RBP4: variants seen among roughly 807,000 people sequenced by gnomAD.
The protein encoded by RBP4 is retinol-binding protein 4.
In RBP4, 9 loss-of-function variants were observed where a neutral mutation model predicts 26.2. The ratio of observed to expected loss-of-function variants is 0.34; its 90% CI spans 0.21 to 0.60. RBP4 has a LOEUF of 0.60. Ranked by LOEUF, RBP4 falls within the 20% of genes least tolerant of loss-of-function variation. RBP4 has a pLI of 0.80. For missense variants in RBP4, 244 were observed against 271.3 expected (o/e 0.90, Z 0.71); for synonymous variants, 114 against 111.0 (o/e 1.03, Z -0.17).
In RBP4 at chr10:93,592,164, A is replaced by AG. The variant is rs764772453; in HGVS notation, c.569-53_569-52insC. 60 of 1,488,974 alleles carry AG rather than the reference A, an allele frequency of 4.0e-5. 1 individual carries two copies. The Middle Eastern group carries it at 5.1e-4, about 13-fold the overall frequency. The allele number at this position is 1,488,974 out of a possible 1,614,324, so 92.2% of individuals were successfully genotyped here. A position where few individuals can be genotyped will look rare whatever the true frequency, so the allele number is the denominator to read the frequency against. On this transcript the variant is annotated intron_variant, in intron 5 of 5. Transcript: ENST00000371464. Reference sequence around the variant, plus strand: ...ACGACAGAAAGTGGACCCAGTTTTTATGTAGATAATGAACATCATGATGGC... The same window carrying AG: ...ACGACAGAAAGTGGACCCAGTTTTTAGTGTAGATAATGAACATCATGATGGC...
At chr10:93,598,800 A>G (rs760069265) in intron 4 of RBP4, among the ~76,000 whole-genome samples, 1 of 152,248 alleles carries the variant, frequency 6.6e-6, no homozygotes, top group Non-Finnish European at 1.5e-5. Context: ...TCCTCTTTCT[A>G]AAAATTAATA....
chr10:93,596,720 A>G (rs976276936), intron 4 of RBP4, among the ~76,000 whole-genome samples: 3 of 152,204 alleles, frequency 2.0e-5, no homozygotes, highest in African/African-American at 7.2e-5. Flanking sequence ...TCCCAAAACC[A>G]AAGAAAATGC....
chr10:93,594,069 C>G, intron 4 of RBP4, 34 bp from the exon 5 acceptor site: 1 of 1,598,958 alleles, frequency 6.3e-7, no homozygotes, highest in Non-Finnish European at 8.6e-7. Context: ...CCGATCAATG[C>G]CTTTCCCTCA....
rs2058269597 is a variant in RBP4 at position 93,592,030 on chromosome 10, A to C, written c.*45T>G. The C allele has an allele frequency of 3.3e-6, 5 of 1,508,656 alleles. No individual in the cohort carries two copies. The East Asian group carries it at 1.1e-4, about 34-fold the overall frequency. 93.5% of individuals were successfully genotyped at this position (1,508,656 alleles called of 1,614,324 possible). Reference sequence around the variant, plus strand: ...CTAAGATAAATAGAGCTGAAGACTGAGAGCTAATCAGAAGTTCTCAGATGA... The same window carrying C: ...CTAAGATAAATAGAGCTGAAGACTGCGAGCTAATCAGAAGTTCTCAGATGA... On this transcript the variant is annotated 3_prime_UTR_variant, in exon 6 of 6. Transcript: ENST00000371464.
chr10:93,592,830 T>C (rs946004687), intron 5 of RBP4, among the ~76,000 whole-genome samples: 1 of 152,118 alleles, frequency 6.6e-6, no homozygotes, highest in Non-Finnish European at 1.5e-5. Context: ...TTATTATTAT[T>C]TTTTTGAGGC....
upstream of RBP4, chr10:93,601,248 G>A (rs2058337617): frequency 8.2e-7 from 1 of 1,223,524 alleles, no homozygotes; most frequent in African/African-American, 1.6e-5. Context: ...GCGCGCCGCG[G>A]CCGCCCCGCT....
At chr10:93,594,531 C>G (rs1248419857) in intron 4 of RBP4, among the ~76,000 whole-genome samples, 2 of 152,242 alleles carry the variant, frequency 1.3e-5, no homozygotes, top group African/African-American at 4.8e-5. Flanking sequence ...GCCCCCCGCT[C>G]TCTCAGTCCT....
chr10:93,592,697 C>T (rs1263475999), intron 5 of RBP4, among the ~76,000 whole-genome samples: 2 of 152,034 alleles, frequency 1.3e-5, no homozygotes, highest in African/African-American at 2.4e-5. Flanking sequence ...CCTTGCTGGC[C>T]CTACATTTAA....
chr10:93,596,113 C>T (rs1380132891), intron 4 of RBP4, among the ~76,000 whole-genome samples: 1 of 152,000 alleles, frequency 6.6e-6, no homozygotes, highest in Non-Finnish European at 1.5e-5. Flanking sequence ...CTGTCACAGG[C>T]ACCCTCAGAC....
chr10:93,594,727 G>C lies in RBP4; in HGVS notation c.356-692C>G, dbSNP rs1264933096. Among the ~76,000 whole-genome samples the C allele has an allele frequency of 5.3e-5, 8 of 152,250 alleles. No homozygotes were observed. In the East Asian group the frequency reaches 1.5e-3, roughly 29 times the overall value. On this transcript the variant is annotated intron_variant, in intron 4 of 5. Coordinates refer to ENST00000371464, the MANE Select transcript of RBP4 (RefSeq NM_006744.4). ...CTTCACAACTCACAGAGGCAGAGCT[G>C]AGCCACTGAATTTAGATTATATGTA...
At chr10:93,601,238 GC>G, upstream of RBP4, 2 of 1,229,140 alleles carry the variant, frequency 1.6e-6, no homozygotes, top group Non-Finnish European at 2.0e-6. Context: ...AGGGAGGCGA[GC>G]GCGCCGCGGC....
At chr10:93,596,559 T>C (rs1407246685) in intron 4 of RBP4, among the ~76,000 whole-genome samples, 3 of 152,180 alleles carry the variant, frequency 2.0e-5, no homozygotes, top group African/African-American at 4.8e-5. Context: ...GCTAACCGCA[T>C]GCAGTGGAGC....
In RBP4 at chr10:93,591,831, T is replaced by C; in HGVS notation, c.*244A>G. The C allele has an allele frequency of 1.9e-6, 1 of 537,286 alleles. No individual in the cohort carries two copies. Among genetic ancestry groups the C allele is most frequent in the Non-Finnish European group, 3.3e-6 (1 of 300,274 alleles). The allele number at this position is 537,286 out of a possible 1,614,324, so 33.3% of individuals were successfully genotyped here. A position where few individuals can be genotyped will look rare whatever the true frequency, so the allele number is the denominator to read the frequency against. ...CACAGACATAAACACAAATGAAAAC[T>C]AAAATCACAGGACACGGGTGACTAT... On this transcript the variant is annotated 3_prime_UTR_variant, in exon 6 of 6. Coordinates refer to ENST00000371464, the MANE Select transcript of RBP4 (RefSeq NM_006744.4).
At chr10:93,592,329 T>G (rs1166118480) in intron 5 of RBP4, among the ~76,000 whole-genome samples, 4 of 152,180 alleles carry the variant, frequency 2.6e-5, no homozygotes, top group African/African-American at 9.7e-5. Flanking sequence ...CTGGACGTAA[T>G]GGGGGTGGAG....
At chr10:93,594,817 G>A (rs1461764652) in intron 4 of RBP4, among the ~76,000 whole-genome samples, 3 of 152,156 alleles carry the variant, frequency 2.0e-5, no homozygotes, top group African/African-American at 4.8e-5. Flanking sequence ...AAATATCAAC[G>A]AAGGCAGGAG....
At chr10:93,597,227 A>T (rs1564789578) in intron 4 of RBP4, among the ~76,000 whole-genome samples, 1 of 152,190 alleles carries the variant, frequency 6.6e-6, no homozygotes, top group East Asian at 1.9e-4. Flanking sequence ...ACTTTGACCA[A>T]CACTAATGTA....
intron 4 of RBP4, among the ~76,000 whole-genome samples, chr10:93,599,736 T>C (rs1229561740): frequency 6.6e-6 from 1 of 152,074 alleles, no homozygotes; most frequent in Admixed American, 6.5e-5. Context: ...TTAGGATAAA[T>C]GGGGAAAAAA....
At chr10:93,600,593 C>T (rs1438649726) in intron 3 of RBP4, 74 bp downstream of exon 3, 2 of 1,612,760 alleles carry the variant, frequency 1.2e-6, no homozygotes, top group Admixed American at 3.3e-5. Context: ...ACAATGCCCA[C>T]GTGGCGATCA....
At chr10:93,601,118 A>G (rs1304919848) in intron 1 of RBP4, 53 bp downstream of exon 1, 1 of 671,860 alleles carries the variant, frequency 1.5e-6, no homozygotes, top group South Asian at 1.6e-5. Flanking sequence ...ACCCCACCCC[A>G]CCCCACCCCG....
Sources: allele counts gnomAD v4.1 joint callset (sites outside exome capture counted in the v4.1 genomes callset), GRCh38; gene constraint gnomAD v4.1.1; transcripts MANE v1.5; gene names NCBI Gene and HGNC (gene_info 2026-07-23, HGNC 2026-07-21).